Variants in OR2L3 observed in about 807,000 individuals in gnomAD.
The protein encoded by OR2L3 is olfactory receptor family 2 subfamily L member 3, also known as olfactory receptor 2L3.
For synonymous variants in OR2L3, 131 were observed against 139.1 expected (o/e 0.94, Z 0.41); for missense variants, 369 against 376.6 (o/e 0.98, Z 0.17).
intron 1 of OR2L3, among the ~76,000 whole-genome samples, chr1:248,051,020 C>CACCATTTTA (rs1663245977): frequency 6.6e-6 from 1 of 152,122 alleles, no homozygotes; most frequent in South Asian, 2.1e-4. Flanking sequence ...TTAAGAGGAA[C>CACCATTTTA]ACCATTTTAA....
intron 1 of OR2L3, chr1:248,051,208 ATC>A (rs1273058794): frequency 9.4e-5 from 14 of 148,162 alleles, no homozygotes; most frequent in Non-Finnish European, 1.6e-4. Flanking sequence ...TCCACTTTCC[ATC>A]TCTGTGAATT....
intron 1 of OR2L3, among the ~76,000 whole-genome samples, chr1:248,053,801 G>A (rs796383263): frequency 2.0e-5 from 3 of 152,044 alleles, no homozygotes; most frequent in African/African-American, 7.2e-5. Flanking sequence ...ATTTTAATGG[G>A]GTTGTTTGTT....
rs1190988646 is a variant in OR2L3, at chr1:248,062,725, A to G, written c.*1105A>G. On this transcript the variant is annotated 3_prime_UTR_variant, in exon 2 of 2. Transcript: ENST00000359959. Reference sequence around the variant, plus strand: ...ATTGTATGTATTAAAGAATAACTGAAAGAGTGGAATTGGAATGTTCCCAAC... The same window carrying G: ...ATTGTATGTATTAAAGAATAACTGAGAGAGTGGAATTGGAATGTTCCCAAC... The G allele has an allele frequency of 3.9e-5, 6 of 152,218 alleles. No homozygotes were observed. The highest frequency in any genetic ancestry group is 1.4e-4 in the African/African-American group (6 of 41,452). The allele number at this position is 152,218 out of a possible 1,614,324, so 9.4% of individuals were successfully genotyped here.
At chr1:248,060,436 A>G (rs751629413) in intron 1 of OR2L3, among the ~76,000 whole-genome samples, 11 of 152,212 alleles carry the variant, frequency 7.2e-5, no homozygotes, top group Admixed American at 2.0e-4. Flanking sequence ...GTATTATAGT[A>G]TACTGTATAT....
At position 248,061,837 on chromosome 1, in the gene OR2L3, A is replaced by G; in HGVS notation, c.*217A>G. ...CATGGCATTGTTTCCATAAATTTTGAAAGCACCTACTTTTACTAATATGTT... is the reference window on the plus strand; with the variant it reads ...CATGGCATTGTTTCCATAAATTTTGGAAGCACCTACTTTTACTAATATGTT... On this transcript the variant is annotated 3_prime_UTR_variant, in exon 2 of 2. Coordinates refer to ENST00000359959, the MANE Select transcript of OR2L3 (RefSeq NM_001004687.2). The G allele has an allele frequency of 2.5e-6, 1 of 406,990 alleles. No homozygotes were observed. Among genetic ancestry groups the G allele is most frequent in the Non-Finnish European group, 4.3e-6 (1 of 232,940 alleles). The allele number at this position is 406,990 out of a possible 1,614,324, so 25.2% of individuals were successfully genotyped here.
rs1422093833 is a variant in OR2L3 at position 248,061,583 on chromosome 1, C to T, written c.902C>T (p.Thr301Ile). The change falls in exon 2 of 2, where the codon ACA becomes ATA. Residue 301 changes from threonine (T) to isoleucine (I), a missense_variant. Coordinates refer to ENST00000359959, the MANE Select transcript of OR2L3 (RefSeq NM_001004687.2). ...LRNKEVMGALTRVSQRICSGK... is the reference protein window; with the variant it reads ...LRNKEVMGALIRVSQRICSGK... ...AACAAGGAGGTGATGGGGGCCCTGA[C>T]ACGAGTGAGTCAGAGAATCTGCTCT... is the stretch of plus-strand genomic sequence containing the variant. The T allele has an allele frequency of 1.9e-6, 3 of 1,613,108 alleles. No individual in the cohort carries two copies. The highest frequency in any genetic ancestry group is 1.6e-4 in the Middle Eastern group (1 of 6,076).
chr1:248,052,284 T>C (rs948105151), intron 1 of OR2L3, among the ~76,000 whole-genome samples: 6 of 152,320 alleles, frequency 3.9e-5, no homozygotes, highest in African/African-American at 1.4e-4. Context: ...GATTGTTCCA[T>C]CTCCACTGAG....
intron 1 of OR2L3, among the ~76,000 whole-genome samples, chr1:248,052,896 TCTA>T (rs1663317102): frequency 6.6e-6 from 1 of 152,150 alleles, no homozygotes; most frequent in Non-Finnish European, 1.5e-5. Flanking sequence ...TGATAGAGAT[TCTA>T]CTAATTTTTT....
Position 248,061,072 on chromosome 1 carries a change from T to C in OR2L3, c.391T>C (p.Tyr131His). Reference protein sequence around the residue: ...RYIAICFPLHYPIRMSKRMCV... With the variant: ...RYIAICFPLHHPIRMSKRMCV... ...CATTGCTATTTGCTTTCCTCTTCAC[T>C]ATCCCATCCGCATGAGCAAAAGAAT... The change falls in exon 2 of 2, where the codon TAT (tyrosine) becomes CAT (histidine). Residue 131 changes from tyrosine to histidine, a missense_variant. By Grantham distance (83) the Tyr-to-His change is moderately conservative. Coordinates refer to ENST00000359959, the MANE Select transcript of OR2L3 (RefSeq NM_001004687.2). The C allele has an allele frequency of 6.2e-7, 1 of 1,614,124 alleles. No homozygotes were observed. The highest frequency in any genetic ancestry group is 1.7e-5 in the Admixed American group (1 of 60,018).
Position 248,061,087 on chromosome 1 carries a change from A to C in OR2L3, c.406A>C (p.Ser136Arg), listed in dbSNP as rs766785408. Residue 136 changes from serine to arginine, a missense_variant, in exon 2 of 2, where the codon AGC becomes CGC. Coordinates refer to ENST00000359959, the MANE Select transcript of OR2L3 (RefSeq NM_001004687.2). ...CFPLHYPIRM[S>R]KRMCVLMITG... The stretch of plus-strand genomic sequence containing the variant: ...TCCTCTTCACTATCCCATCCGCATG[A>C]GCAAAAGAATGTGTGTGCTGATGAT... The C allele has an allele frequency of 6.2e-7, 1 of 1,614,012 alleles. No individual in the cohort carries two copies. The highest frequency in any genetic ancestry group is 2.2e-5 in the East Asian group (1 of 44,860).
chr1:248,052,320 G>A (rs569169680), intron 1 of OR2L3, among the ~76,000 whole-genome samples: 1 of 152,164 alleles, frequency 6.6e-6, no homozygotes, highest in South Asian at 2.1e-4. Flanking sequence ...TTTGAAAAAA[G>A]GTTACCATGT....
chr1:248,062,385 T>A lies in OR2L3; in HGVS notation c.*765T>A, dbSNP rs1663672390. 2 of 152,240 alleles carry A rather than the reference T, an allele frequency of 1.3e-5. No homozygotes were observed. The highest frequency in any genetic ancestry group is 1.3e-4 in the Admixed American group (2 of 15,276). 9.4% of individuals were successfully genotyped at this position (152,240 alleles called of 1,614,324 possible). Reference sequence around the variant, plus strand: ...ATTTTCATTTTTCTGCTTAAAAATATCCAGTTTTGCCAGCACCTTATATTG... The same window carrying A: ...ATTTTCATTTTTCTGCTTAAAAATAACCAGTTTTGCCAGCACCTTATATTG... On this transcript the variant is annotated 3_prime_UTR_variant, in exon 2 of 2. Coordinates refer to ENST00000359959, the MANE Select transcript of OR2L3 (RefSeq NM_001004687.2).
intron 1 of OR2L3, among the ~76,000 whole-genome samples, chr1:248,053,717 T>C (rs1007700798): frequency 2.6e-5 from 4 of 152,202 alleles, no homozygotes; most frequent in Non-Finnish European, 5.9e-5. Flanking sequence ...AGTGATGTTG[T>C]GCTTTTTAAA....
chr1:248,050,286 T>G (rs1414358759), intron 1 of OR2L3, among the ~76,000 whole-genome samples: 4 of 152,002 alleles, frequency 2.6e-5, no homozygotes, highest in African/African-American at 7.2e-5. Context: ...TAAAAGCAAG[T>G]GAAGATGTTT....
At chr1:248,051,266 T>C (rs1663256778) in intron 1 of OR2L3, 1 of 152,232 alleles carries the variant, frequency 6.6e-6, no homozygotes, top group Non-Finnish European at 1.5e-5. Flanking sequence ...ACAATATTTG[T>C]CTTTTTGTGA....
Position 248,060,907 on chromosome 1 carries a change from A to G in OR2L3, c.226A>G (p.Ile76Val). The G allele has an allele frequency of 1.2e-6, 2 of 1,613,732 alleles. No individual in the cohort carries two copies. The highest frequency in any genetic ancestry group is 8.5e-7 in the Non-Finnish European group (1 of 1,179,844). The change falls in exon 2 of 2, where the codon ATT (isoleucine) becomes GTT (valine). Residue 76 changes from isoleucine to valine, a missense_variant. By Grantham distance (29) the Ile-to-Val change is conservative. Coordinates refer to ENST00000359959, the MANE Select transcript of OR2L3 (RefSeq NM_001004687.2). ...CATTGACCTAAATTACATCTCCACC[A>G]TTGTTCCTAAGATGGCATCTGATTT... ...SLIDLNYIST[I>V]VPKMASDFLS...
intron 1 of OR2L3, among the ~76,000 whole-genome samples, chr1:248,053,424 A>T (rs943233827): frequency 6.6e-6 from 1 of 152,272 alleles, no homozygotes; most frequent in Admixed American, 6.5e-5. Context: ...TACACATGCC[A>T]GTACCTTTAT....
rs1364094162 is a variant in OR2L3 at position 248,061,627 on chromosome 1, T to A, written c.*7T>A. 2 of 1,607,422 alleles carry A rather than the reference T, an allele frequency of 1.2e-6. No homozygotes were observed. Among genetic ancestry groups the A allele is most frequent in the Non-Finnish European group, 8.5e-7 (1 of 1,176,728 alleles). On this transcript the variant is annotated 3_prime_UTR_variant, in exon 2 of 2. Coordinates refer to ENST00000359959, the MANE Select transcript of OR2L3 (RefSeq NM_001004687.2). ...CTGCTCTGGGAAAATGTAGAAACAT[T>A]TTCTACCTAAGGTCTCAGGACTCAG...
At chr1:248,050,489 T>C (rs1240084574) in intron 1 of OR2L3, among the ~76,000 whole-genome samples, 2 of 152,082 alleles carry the variant, frequency 1.3e-5, no homozygotes, top group Non-Finnish European at 2.9e-5. Flanking sequence ...TAATATTATA[T>C]AATAGGACAT....
Sources: allele counts gnomAD v4.1 joint callset (sites outside exome capture counted in the v4.1 genomes callset), GRCh38; gene constraint gnomAD v4.1.1; transcripts MANE v1.5; gene names NCBI Gene and HGNC (gene_info 2026-07-23, HGNC 2026-07-21).